NAALADL2: variants seen among roughly 807,000 people sequenced by gnomAD.
NAALADL2 encodes N-acetylated alpha-linked acidic dipeptidase like 2, also known as inactive N-acetylated-alpha-linked acidic dipeptidase-like protein 2.
A neutral mutation model predicts 87.2 loss-of-function variants in NAALADL2; 76 were observed. The observed-to-expected ratio is 0.87, with a 90% confidence interval of 0.72 to 1.05. The LOEUF is 1.05. Ranked by LOEUF, NAALADL2 falls within the 50% of genes least tolerant of loss-of-function variation. The probability of loss-of-function intolerance (pLI) is 0.00; values close to 1 mark genes in which losing one functional copy is unlikely to be tolerated. For synonymous variants in NAALADL2, 354 were observed against 331.0 expected (o/e 1.07, Z -0.75); for missense variants, 1,089 against 945.8 (o/e 1.15, Z -1.99).
chr3:174,479,817 T>C (rs1000750895), intron 1 of NAALADL2, among the ~76,000 whole-genome samples: 13 of 152,068 alleles, frequency 8.5e-5, no homozygotes, highest in Middle Eastern at 3.2e-3. Context: ...TGTTTTTTTT[T>C]CTCAAATAGT....
At chr3:175,103,720 C>A (rs1722624693) in intron 2 of NAALADL2, among the ~76,000 whole-genome samples, 1 of 152,092 alleles carries the variant, frequency 6.6e-6, no homozygotes, top group African/African-American at 2.4e-5. Context: ...ATGAATTTTT[C>A]TTTTCTGGAA....
intron 3 of NAALADL2, among the ~76,000 whole-genome samples, chr3:174,825,809 C>T (rs1337695759): frequency 4.6e-5 from 7 of 152,180 alleles, no homozygotes; most frequent in South Asian, 2.1e-4. Context: ...GGGCAGATAA[C>T]GAGGTCAGGA....
chr3:175,611,102 T>C (rs189087468), intron 10 of NAALADL2, among the ~76,000 whole-genome samples: 1 of 152,186 alleles, frequency 6.6e-6, no homozygotes, highest in East Asian at 1.9e-4. Context: ...CTTAGCTAAG[T>C]CTACCATGCT....
intron 1 of NAALADL2, among the ~76,000 whole-genome samples, chr3:174,523,204 A>G (rs1720440305): frequency 6.6e-6 from 1 of 152,144 alleles, no homozygotes; most frequent in Non-Finnish European, 1.5e-5. Context: ...TTTGGTAATC[A>G]TCATTAACTT....
chr3:174,857,711 A>T (rs147049857), upstream of NAALADL2, among the ~76,000 whole-genome samples: 142 of 152,232 alleles, frequency 9.3e-4, 1 homozygote, highest in East Asian at 0.023. Context: ...GCTATAGGCA[A>T]AGGGTTATTC....
chr3:175,160,544 G>T (rs1197543950), intron 2 of NAALADL2, among the ~76,000 whole-genome samples: 4 of 151,324 alleles, frequency 2.6e-5, no homozygotes, highest in Non-Finnish European at 5.9e-5. Context: ...TAGAGACGGG[G>T]TTTCTCCATA....
intron 3 of NAALADL2, among the ~76,000 whole-genome samples, chr3:174,765,760 T>A (rs1713732802): frequency 6.6e-6 from 1 of 152,204 alleles, no homozygotes; most frequent in South Asian, 2.1e-4. Flanking sequence ...AATGATAACA[T>A]GAGAAAGTGT....
chr3:175,078,120 G>A lies in NAALADL2; in HGVS notation c.44-18670G>A, dbSNP rs543148980. 7.6e-4 allele frequency among the ~76,000 whole-genome samples: 115 copies of A among 151,882 alleles called. 1 individual carries two copies. The highest frequency in any genetic ancestry group is 2.5e-3 in the African/African-American group (102 of 41,444). On this transcript the variant is annotated intron_variant, in intron 1 of 13. Coordinates refer to ENST00000454872, the MANE Select transcript of NAALADL2 (RefSeq NM_207015.3). ...GATCACTGCAACCTCTGCCTCCCAG[G>A]TTCAAGCAATTCCCCTGCCTCAGCC...
intron 3 of NAALADL2, among the ~76,000 whole-genome samples, chr3:174,796,792 T>C: frequency 1.0e-5 from 1 of 99,542 alleles, no homozygotes. Context: ...TTTTGAGAAA[T>C]ATCTATTTGT....
chr3:174,477,546 C>T (rs1296302889), intron 1 of NAALADL2, among the ~76,000 whole-genome samples: 1 of 152,126 alleles, frequency 6.6e-6, no homozygotes, highest in Admixed American at 6.6e-5. Context: ...CAGTGATTTG[C>T]ATTAAGTTGC....
Position 174,511,972 on chromosome 3 carries a change from A to T in NAALADL2, c.-183-38597A>T, listed in dbSNP as rs544314170. Among the ~76,000 whole-genome samples, 16 of 152,236 alleles carry T rather than the reference A, an allele frequency of 1.1e-4. No individual in the cohort carries two copies. The South Asian group carries it at 3.3e-3, about 32-fold the overall frequency. ...TCCTCTTGCCTGTTTTCTTACTTTTATAAGTTTACTAAACCCTACAATAAT... is the reference window on the plus strand; with the variant it reads ...TCCTCTTGCCTGTTTTCTTACTTTTTTAAGTTTACTAAACCCTACAATAAT... On this transcript the variant is annotated intron_variant, in intron 1 of 3. Coordinates refer to the NAALADL2 transcript ENST00000434257.
At chr3:174,552,083 C>G (rs971747300) in intron 2 of NAALADL2, among the ~76,000 whole-genome samples, 4 of 152,218 alleles carry the variant, frequency 2.6e-5, no homozygotes, top group African/African-American at 9.6e-5. Flanking sequence ...GGATACTAAT[C>G]GTATTAGTGA....
chr3:175,499,182 A>C (rs1231733186), intron 9 of NAALADL2, among the ~76,000 whole-genome samples: 1 of 152,116 alleles, frequency 6.6e-6, no homozygotes, highest in Non-Finnish European at 1.5e-5. Flanking sequence ...GTTAATATTC[A>C]AAGGGCCTTA....
chr3:174,564,032 T>A, intron 2 of NAALADL2, among the ~76,000 whole-genome samples: 1 of 152,134 alleles, frequency 6.6e-6, no homozygotes, highest in Non-Finnish European at 1.5e-5. Context: ...TGCACAGTCC[T>A]CCAGTCAGAT....
At chr3:175,309,667 A>G (rs1299589308) in intron 4 of NAALADL2, among the ~76,000 whole-genome samples, 1 of 152,102 alleles carries the variant, frequency 6.6e-6, no homozygotes, top group East Asian at 1.9e-4. Flanking sequence ...AAGAAATCAC[A>G]TAACCTAAAT....
intron 1 of NAALADL2, among the ~76,000 whole-genome samples, chr3:174,944,589 G>T (rs921365014): frequency 4.6e-5 from 7 of 152,138 alleles, no homozygotes; most frequent in Admixed American, 1.3e-4. Flanking sequence ...GGGGTATGAG[G>T]ATCTAACCCC....
chr3:175,324,787 AT>A (rs1424630618), intron 5 of NAALADL2, among the ~76,000 whole-genome samples: 1 of 152,196 alleles, frequency 6.6e-6, no homozygotes, highest in Non-Finnish European at 1.5e-5. Flanking sequence ...AGAAGAATGG[AT>A]TTAATATGAT....
intron 2 of NAALADL2, among the ~76,000 whole-genome samples, chr3:175,149,990 T>C (rs1731308313): frequency 6.6e-6 from 1 of 152,122 alleles, no homozygotes; most frequent in African/African-American, 2.4e-5. Flanking sequence ...CATAATTATT[T>C]TGAGAGAAGG....
intron 1 of NAALADL2, among the ~76,000 whole-genome samples, chr3:174,979,984 C>T (rs1465893306): frequency 6.6e-6 from 1 of 152,108 alleles, no homozygotes; most frequent in African/African-American, 2.4e-5. Flanking sequence ...CTTCTTGTGA[C>T]CACTTTGACC....
Sources: allele counts gnomAD v4.1 joint callset (sites outside exome capture counted in the v4.1 genomes callset), GRCh38; gene constraint gnomAD v4.1.1; transcripts MANE v1.5; gene names NCBI Gene and HGNC (gene_info 2026-07-23, HGNC 2026-07-21).